YAF2: variants seen among roughly 807,000 people sequenced by gnomAD.
The protein encoded by YAF2 is YY1-associated factor 2.
Under a neutral mutation model 20.1 loss-of-function variants are expected in YAF2, and 7 were observed. The ratio of observed to expected loss-of-function variants is 0.35; its 90% CI spans 0.20 to 0.65. YAF2 has a LOEUF of 0.65. Ranked by LOEUF, YAF2 falls within the 30% of genes least tolerant of loss-of-function variation. The probability of loss-of-function intolerance (pLI) is 0.69; values close to 1 mark genes in which losing one functional copy is unlikely to be tolerated. For synonymous variants in YAF2, 74 were observed against 76.0 expected (o/e 0.97, Z 0.14); for missense variants, 151 against 219.2 (o/e 0.69, Z 1.96).
chr12:42,182,999 G>A (rs2137056675), intron 2 of YAF2, among the ~76,000 whole-genome samples: 1 of 152,294 alleles, frequency 6.6e-6, no homozygotes, highest in East Asian at 1.9e-4. Context: ...GCATGTAAAA[G>A]TTGTCTCTGT....
chr12:42,179,079 T>G (rs1222267958), intron 2 of YAF2, among the ~76,000 whole-genome samples: 1 of 152,122 alleles, frequency 6.6e-6, no homozygotes, highest in Non-Finnish European at 1.5e-5. Context: ...AAAATACACT[T>G]GTCTGGGCTC....
chr12:42,180,202 A>C (rs1266770671), intron 2 of YAF2, among the ~76,000 whole-genome samples: 1 of 152,178 alleles, frequency 6.6e-6, no homozygotes, highest in African/African-American at 2.4e-5. Context: ...CTTCTAATAA[A>C]TAGGATACAG....
At chr12:42,225,694 G>A (rs564508483) in intron 2 of YAF2, among the ~76,000 whole-genome samples, 2 of 152,158 alleles carry the variant, frequency 1.3e-5, no homozygotes, top group African/African-American at 2.4e-5. Flanking sequence ...TTGTAGATAC[G>A]TGGTGTTATT....
At chr12:42,236,224 C>A (rs538047571) in intron 2 of YAF2, among the ~76,000 whole-genome samples, 24 of 152,226 alleles carry the variant, frequency 1.6e-4, no homozygotes, top group African/African-American at 5.5e-4. Context: ...TACTCTAAAC[C>A]AACTCCAACC....
intron 1 of YAF2, 121 bp downstream of exon 1, chr12:42,238,034 C>A: frequency 1.2e-6 from 1 of 841,500 alleles, no homozygotes; most frequent in Non-Finnish European, 1.6e-6. Flanking sequence ...ACTCGCACAC[C>A]AGCGGCGCTG....
At chr12:42,235,964 G>C (rs879600525) in intron 2 of YAF2, 24 of 1,535,972 alleles carry the variant, frequency 1.6e-5, no homozygotes, top group Non-Finnish European at 2.1e-5. Context: ...TGGCTGTGGA[G>C]TAGGACACCA....
Position 42,205,231 on chromosome 12 carries a change from T to C in YAF2, c.152+32368A>G, listed in dbSNP as rs560448376. Among the ~76,000 whole-genome samples, 210 of 152,214 alleles carry C rather than the reference T, an allele frequency of 1.4e-3. 3 individuals carry two copies. Among genetic ancestry groups the C allele is most frequent in the Middle Eastern group, 3.4e-3 (1 of 294 alleles). On this transcript the variant is annotated intron_variant, in intron 2 of 3. Transcript: ENST00000534854. ...AATTATTAGCGATTTCTTATAATTTTAAAAATCACCATTATAGTTGTACTT... is the reference window on the plus strand; with the variant it reads ...AATTATTAGCGATTTCTTATAATTTCAAAAATCACCATTATAGTTGTACTT...
intron 2 of YAF2, chr12:42,232,841 C>T: frequency 1.0e-6 from 1 of 985,180 alleles, no homozygotes. Flanking sequence ...CTCTTTTTAC[C>T]TAACCATAAT....
chr12:42,193,936 G>T (rs899998663), intron 2 of YAF2, among the ~76,000 whole-genome samples: 1 of 152,190 alleles, frequency 6.6e-6, no homozygotes, highest in Non-Finnish European at 1.5e-5. Context: ...TAATGTATGT[G>T]TCTGTGTCTT....
intron 2 of YAF2, among the ~76,000 whole-genome samples, chr12:42,230,132 C>T (rs1439098799): frequency 6.6e-6 from 1 of 152,146 alleles, no homozygotes; most frequent in Non-Finnish European, 1.5e-5. Flanking sequence ...TGGCACACGT[C>T]TGTAATCCCA....
intron 2 of YAF2, among the ~76,000 whole-genome samples, chr12:42,194,223 G>A (rs1481008396): frequency 6.6e-6 from 1 of 152,192 alleles, no homozygotes; most frequent in Non-Finnish European, 1.5e-5. Context: ...AGTGTACAGT[G>A]TTTATAAAAT....
intron 2 of YAF2, among the ~76,000 whole-genome samples, chr12:42,170,810 C>G (rs1340299269): frequency 6.6e-6 from 1 of 152,164 alleles, no homozygotes; most frequent in Non-Finnish European, 1.5e-5. Context: ...TGTGCCACTG[C>G]ACTCTAGCCT....
intron 2 of YAF2, among the ~76,000 whole-genome samples, chr12:42,225,367 T>A (rs996268627): frequency 6.6e-6 from 1 of 152,220 alleles, no homozygotes; most frequent in Non-Finnish European, 1.5e-5. Context: ...TTAGTTCAAT[T>A]AGATCTCATT....
At chr12:42,179,776 C>T (rs1324085430) in intron 2 of YAF2, among the ~76,000 whole-genome samples, 1 of 138,672 alleles carries the variant, frequency 7.2e-6, no homozygotes, top group Non-Finnish European at 1.5e-5. Context: ...GAAGTGAGAC[C>T]CTGTCTAAAA....
chr12:42,229,886 C>T (rs1476263269), intron 2 of YAF2, among the ~76,000 whole-genome samples: 1 of 152,188 alleles, frequency 6.6e-6, no homozygotes, highest in Non-Finnish European at 1.5e-5. Context: ...CCAAAAATGT[C>T]ATTATGGAGT....
At chr12:42,195,443 G>A (rs1345208289) in intron 2 of YAF2, among the ~76,000 whole-genome samples, 2 of 152,104 alleles carry the variant, frequency 1.3e-5, no homozygotes, top group Non-Finnish European at 2.9e-5. Context: ...ATTTAAAGAA[G>A]GAAAAGGTAA....
In YAF2 at chr12:42,222,924, T is replaced by C. The variant is rs1237102380; in HGVS notation, c.152+14675A>G. Among the ~76,000 whole-genome samples, 4 of 151,714 alleles carry C rather than the reference T, an allele frequency of 2.6e-5. No individual in the cohort carries two copies. The Admixed American group carries it at 2.6e-4, about 10-fold the overall frequency. On this transcript the variant is annotated intron_variant, in intron 2 of 3. Transcript: ENST00000534854. ...GGAATAAATGGTGGCTTATAATTTA[T>C]TGCTGCCAAATTCTTTTTTTTTTTT...
intron 2 of YAF2, among the ~76,000 whole-genome samples, chr12:42,186,189 C>CAAA (rs58514363): frequency 0.031 from 1,885 of 61,144 alleles, 118 homozygotes; most frequent in African/African-American, 0.061. Context: ...AACTCTGTCT[C>CAAA]AAAAAAAAAA....
Position 42,171,049 on chromosome 12 carries a change from G to C in YAF2, c.153-9284C>G, listed in dbSNP as rs372097165. ...ACTCTGTCTCCCAGGCTGGAGTGCA[G>C]TGGCGTGATCTCGGCTAACTGCAAC... On this transcript the variant is annotated intron_variant, in intron 2 of 3. Coordinates refer to ENST00000534854, the MANE Select transcript of YAF2 (RefSeq NM_005748.6). Among the ~76,000 whole-genome samples the C allele has an allele frequency of 1.9e-4, 29 of 152,182 alleles. No homozygotes were observed. The East Asian group carries it at 1.9e-3, about 10-fold the overall frequency.
Sources: allele counts gnomAD v4.1 joint callset (sites outside exome capture counted in the v4.1 genomes callset), GRCh38; gene constraint gnomAD v4.1.1; transcripts MANE v1.5; gene names NCBI Gene and HGNC (gene_info 2026-07-23, HGNC 2026-07-21).